NPLOC4: variants seen among roughly 807,000 people sequenced by gnomAD.
NPLOC4 encodes nuclear protein localization protein 4 homolog.
NPLOC4 carries 18 observed loss-of-function variants against 80.6 expected under a neutral mutation model. That is an observed-to-expected ratio of 0.22 (90% CI 0.15 to 0.33). The LOEUF (loss-of-function observed/expected upper bound fraction) is 0.33, where lower values mean the gene tolerates loss of function less well. Ranked by LOEUF, NPLOC4 falls within the 10% of genes least tolerant of loss-of-function variation. The pLI is 1.00. For synonymous variants in NPLOC4, 313 were observed against 301.5 expected, an observed-to-expected ratio of 1.04 and a Z score of -0.39; for missense variants, 540 against 786.1, an observed-to-expected ratio of 0.69 and a Z score of 3.74.
In NPLOC4 at chr17:81,559,107, G is replaced by GC; in HGVS notation, c.*151dup. 1.2e-6 allele frequency: 1 copy of GC among 830,712 alleles called. No individual in the cohort carries two copies. Among genetic ancestry groups the GC allele is most frequent in the Non-Finnish European group, 1.8e-6 (1 of 550,212 alleles). 51.5% of individuals were successfully genotyped at this position (830,712 alleles called of 1,614,324 possible). ...TCTCCAGGGAGGAACGTGCTGAGAA[G>GC]CTTCAGTGGGTCAGGGAGCCCAGGA... On this transcript the variant is annotated 3_prime_UTR_variant, in exon 17 of 17. Transcript: ENST00000331134.
Position 81,600,419 on chromosome 17 carries a change from T to C in NPLOC4, c.843A>G (p.Thr281=), listed in dbSNP as rs1384725896. 1.2e-6 allele frequency: 2 copies of C among 1,611,664 alleles called. No individual in the cohort carries two copies. Among genetic ancestry groups the C allele is most frequent in the Admixed American group, 1.7e-5 (1 of 59,662 alleles). Residue 281 remains threonine (T), a synonymous_variant, in exon 9 of 17, where the codon ACA becomes ACG. Transcript: ENST00000331134. ...CCTCAAGAAGCTCCAAGCTGTTCTG[T>C]GTACCAATCTGCAGGGAATCAAAGG... ...AAIYEPPQIG[T]QNSLELLEDP... is the part of the protein sequence containing the mutation.
chr17:81,559,380 T>C lies in NPLOC4; in HGVS notation c.1706A>G (p.Tyr569Cys), dbSNP rs1791124523. 4 of 1,610,338 alleles carry C rather than the reference T, an allele frequency of 2.5e-6. No homozygotes were observed. The highest frequency in any genetic ancestry group is 2.2e-5 in the East Asian group (1 of 44,764). ...GTGTGTGGAGCCCCCGACGGCGCCG[T>C]ACTCATGGAGACCTGGGAGCTGCCC... ...VGGQLPGLHE[Y>C]GAVGGSTHTA... The change falls in exon 17 of 17, where the codon TAC (tyrosine) becomes TGC (cysteine). Residue 569 changes from tyrosine (Y) to cysteine (C), a missense_variant. Tyr to Cys is a radical substitution (Grantham distance 194). This residue lies in a region of NPLOC4 where 87 missense variants were observed against 70.3 expected (regional missense o/e 1.24). Coordinates refer to ENST00000331134, the MANE Select transcript of NPLOC4 (RefSeq NM_017921.4).
chr17:81,606,352 G>A (rs1165525766), intron 7 of NPLOC4, among the ~76,000 whole-genome samples: 1 of 152,060 alleles, frequency 6.6e-6, no homozygotes, highest in Non-Finnish European at 1.5e-5. Flanking sequence ...AGCCTGGACA[G>A]GTGCTCAGAG....
chr17:81,559,171 G>A lies in NPLOC4; in HGVS notation c.*88C>T, dbSNP rs553761278. 22 of 1,410,562 alleles carry A rather than the reference G, an allele frequency of 1.6e-5. No individual in the cohort carries two copies. Among genetic ancestry groups the A allele is most frequent in the Non-Finnish European group, 1.8e-5 (19 of 1,056,394 alleles). 87.4% of individuals were successfully genotyped at this position (1,410,562 alleles called of 1,614,324 possible). On this transcript the variant is annotated 3_prime_UTR_variant, in exon 17 of 17. Coordinates refer to ENST00000331134, the MANE Select transcript of NPLOC4 (RefSeq NM_017921.4). The stretch of plus-strand genomic sequence containing the variant: ...GTTCCTCCAGGGCTGCCCACTATGG[G>A]GCAGTTACAGGGAACACACTCAGCA...
intron 3 of NPLOC4, among the ~76,000 whole-genome samples, chr17:81,621,181 AAAG>A (rs2035657074): frequency 2.0e-5 from 3 of 152,304 alleles, no homozygotes; most frequent in African/African-American, 4.8e-5. Context: ...CACCAGCTCA[AAAG>A]AAGGATGAAC....
chr17:81,609,235 G>C (rs2035282158), intron 5 of NPLOC4, among the ~76,000 whole-genome samples: 1 of 152,130 alleles, frequency 6.6e-6, no homozygotes, highest in South Asian at 2.1e-4. Context: ...GGCCAGGCTG[G>C]TCTCAAACTC....
intron 16 of NPLOC4, chr17:81,560,881 C>T (rs1278884364): frequency 3.3e-5 from 5 of 152,144 alleles, no homozygotes; most frequent in African/African-American, 4.8e-5. Flanking sequence ...GACATTGTCG[C>T]GTTTTTTTCA....
intron 2 of NPLOC4, among the ~76,000 whole-genome samples, chr17:81,623,804 A>C (rs1281064012): frequency 1.5e-5 from 2 of 131,670 alleles, no homozygotes; most frequent in South Asian, 2.7e-4. Context: ...TCTCAAAAAA[A>C]AAAACAAAAC....
intron 12 of NPLOC4, among the ~76,000 whole-genome samples, chr17:81,582,731 A>C (rs970869147): frequency 1.3e-5 from 2 of 152,232 alleles, no homozygotes; most frequent in African/African-American, 4.8e-5. Context: ...AGGAAAAGAC[A>C]GAAGACAGTC....
At chr17:81,628,730 A>G (rs2035860329) in intron 2 of NPLOC4, among the ~76,000 whole-genome samples, 1 of 152,300 alleles carries the variant, frequency 6.6e-6, no homozygotes, top group East Asian at 1.9e-4. Context: ...TAAGAAGTAC[A>G]TAATATGCAA....
At chr17:81,601,427 G>T (rs1354951266) in intron 8 of NPLOC4, among the ~76,000 whole-genome samples, 2 of 152,180 alleles carry the variant, frequency 1.3e-5, no homozygotes, top group African/African-American at 4.8e-5. Flanking sequence ...GCAAATTTTT[G>T]TGTGTGTATT....
intron 11 of NPLOC4, among the ~76,000 whole-genome samples, chr17:81,595,530 A>AT (rs200287444): frequency 0.12 from 13,940 of 112,982 alleles, 776 homozygotes; most frequent in Non-Finnish European, 0.17. Flanking sequence ...ACATATATAT[A>AT]TATATTTTTT....
At chr17:81,630,248 T>C (rs1361938485) in intron 1 of NPLOC4, among the ~76,000 whole-genome samples, 1 of 151,456 alleles carries the variant, frequency 6.6e-6, no homozygotes, top group Non-Finnish European at 1.5e-5. Context: ...TCTTCAAGAG[T>C]CCTACAATTT....
chr17:81,582,438 G>A (rs2034468744), intron 12 of NPLOC4, among the ~76,000 whole-genome samples: 1 of 152,210 alleles, frequency 6.6e-6, no homozygotes, highest in African/African-American at 2.4e-5. Flanking sequence ...GTCTTGTTCT[G>A]TCGCCCAGGC....
chr17:81,618,357 T>A (rs2035563338), intron 3 of NPLOC4, among the ~76,000 whole-genome samples: 1 of 149,076 alleles, frequency 6.7e-6, no homozygotes, highest in African/African-American at 2.5e-5. Flanking sequence ...CGACCCCGTC[T>A]GGGAGGTGAG....
chr17:81,624,022 T>A (rs1284209200), intron 2 of NPLOC4, among the ~76,000 whole-genome samples: 4 of 151,852 alleles, frequency 2.6e-5, no homozygotes, highest in African/African-American at 9.7e-5. Flanking sequence ...TGGTGGCTCA[T>A]GTCTGCAATC....
In NPLOC4 at chr17:81,577,906, C is replaced by T. The variant is rs1345882802; in HGVS notation, c.1282-5818G>A. On this transcript the variant is annotated intron_variant, in intron 12 of 16. Coordinates refer to ENST00000331134, the MANE Select transcript of NPLOC4 (RefSeq NM_017921.4). The surrounding 1 kb of genome is among the most constrained non-coding windows in gnomAD (Gnocchi z 4.3). ...GATTGCCAACACCACCAGCTTCTCA[C>T]TGGGCTCCCCAACTCCAAACCGTTC... Among the ~76,000 whole-genome samples, 1 of 152,208 alleles carries T rather than the reference C, an allele frequency of 6.6e-6. No individual in the cohort carries two copies. The highest frequency in any genetic ancestry group is 1.5e-5 in the Non-Finnish European group (1 of 68,028).
chr17:81,629,970 C>T (rs2035887961), intron 1 of NPLOC4, 165 bp from the exon 2 acceptor site: 8 of 574,534 alleles, frequency 1.4e-5, no homozygotes, highest in Admixed American at 3.2e-5. Flanking sequence ...AATATGATGC[C>T]GAGGGGTGAG....
chr17:81,599,285 CAAAAA>C (rs10534151), intron 9 of NPLOC4, among the ~76,000 whole-genome samples: 2 of 141,522 alleles, frequency 1.4e-5, no homozygotes, highest in Non-Finnish European at 3.0e-5. Context: ...CAAGACTCCT[CAAAAA>C]AAAAAAATAA....
Sources: allele counts gnomAD v4.1 joint callset (sites outside exome capture counted in the v4.1 genomes callset), GRCh38; gene constraint gnomAD v4.1.1; regional missense constraint gnomAD v4.1.1; non-coding constraint Gnocchi (gnomAD v3.1); transcripts MANE v1.5; gene names NCBI Gene and HGNC (gene_info 2026-07-23, HGNC 2026-07-21).